The following TRPM7 variants were observed in gnomAD, a reference collection of about 807,000 sequenced individuals.
The protein encoded by TRPM7 is LTRPC ion channel family member 7.
In TRPM7, 134 loss-of-function variants were observed where a neutral mutation model predicts 229.7. That is an observed-to-expected ratio of 0.58 (90% CI 0.51 to 0.67). The LOEUF (loss-of-function observed/expected upper bound fraction) is 0.67. Among genes scored for constraint, TRPM7 ranks in the 30% least tolerant of loss-of-function variants. TRPM7 has a pLI of 0.00. For missense variants in TRPM7, 1,901 were observed against 2,210.0 expected (o/e 0.86, Z 2.80); for synonymous variants, 699 against 715.2 (o/e 0.98, Z 0.36).
chr15:50,666,567 G>A (rs1208612072), intron 1 of TRPM7, among the ~76,000 whole-genome samples: 5 of 152,004 alleles, frequency 3.3e-5, no homozygotes, highest in Non-Finnish European at 7.4e-5. Context: ...ACTTTGGGAG[G>A]CTGAGGCGGG....
chr15:50,600,563 T>C (rs1428732172), intron 21 of TRPM7, among the ~76,000 whole-genome samples: 1 of 152,156 alleles, frequency 6.6e-6, no homozygotes, highest in Non-Finnish European at 1.5e-5. Flanking sequence ...AGAGAATACA[T>C]TTACAATAAA....
At chr15:50,577,094 G>C (rs551140356) in intron 31 of TRPM7, among the ~76,000 whole-genome samples, 1 of 151,602 alleles carries the variant, frequency 6.6e-6, no homozygotes, top group Non-Finnish European at 1.5e-5. Context: ...CCTGGTGACA[G>C]AGAGATCCTG....
chr15:50,599,904 G>A (rs116828650), intron 21 of TRPM7, among the ~76,000 whole-genome samples: 2,218 of 152,260 alleles, frequency 0.015, 59 homozygotes, highest in African/African-American at 0.051. Flanking sequence ...TGTAAGTCAT[G>A]TAGTTTGTAA....
At chr15:50,664,290 C>G (rs1486575454) in intron 1 of TRPM7, among the ~76,000 whole-genome samples, 1 of 116,148 alleles carries the variant, frequency 8.6e-6, no homozygotes, top group Non-Finnish European at 1.6e-5. Context: ...AGCCTGGCGA[C>G]AGAGCAAGAC....
chr15:50,644,797 CAAAAAAAAAAAAA>C (rs201997665), intron 4 of TRPM7, among the ~76,000 whole-genome samples: 30 of 64,818 alleles, frequency 4.6e-4, no homozygotes, highest in East Asian at 5.5e-4. Context: ...AACTGCGTCT[CAAAAAAAAAAAAA>C]AAAAAAAAAA....
At chr15:50,642,377 T>C (rs1237180952) in intron 5 of TRPM7, among the ~76,000 whole-genome samples, 6 of 152,214 alleles carry the variant, frequency 3.9e-5, no homozygotes, top group Non-Finnish European at 8.8e-5. Flanking sequence ...ATAGACAATA[T>C]ATAAACTGAT....
intron 11 of TRPM7, among the ~76,000 whole-genome samples, chr15:50,624,986 C>T (rs1596237250): frequency 6.6e-6 from 1 of 152,228 alleles, no homozygotes; most frequent in East Asian, 1.9e-4. Context: ...AACTTATGTC[C>T]TTTGTGCTTA....
rs1567047182 is a variant in TRPM7, at chr15:50,632,930, C to A, written c.1070G>T (p.Gly357Val). Residue 357 changes from glycine (G) to valine (V), a missense_variant, in exon 9 of 39, where the codon GGC becomes GTC. Physicochemically the swap from Gly to Val is moderately radical, Grantham distance 109. Transcript: ENST00000646667. ...AAATAAATGAAGTGCTTCATTCTGGCCAAAGTTAAATGTTTTTTTGATAGT... is the reference window on the plus strand; with the variant it reads ...AAATAAATGAAGTGCTTCATTCTGGACAAAGTTAAATGTTTTTTTGATAGT... ...ISTIKKTFNF[G>V]QNEALHLFQT... 6.2e-7 allele frequency: 1 copy of A among 1,605,260 alleles called. No homozygotes were observed. Among genetic ancestry groups the A allele is most frequent in the Non-Finnish European group, 8.5e-7 (1 of 1,176,708 alleles).
At chr15:50,630,241 CTT>C (rs143600852) in intron 10 of TRPM7, among the ~76,000 whole-genome samples, 27,578 of 150,472 alleles carry the variant, frequency 0.18, 3,204 homozygotes, top group East Asian at 0.46. Flanking sequence ...CTTGTGATCT[CTT>C]GATACCATGA....
intron 3 of TRPM7, among the ~76,000 whole-genome samples, chr15:50,656,227 T>C (rs539656757): frequency 6.6e-6 from 1 of 152,192 alleles, no homozygotes; most frequent in Admixed American, 6.5e-5. Context: ...AACCTCACCA[T>C]CTATAAGAAG....
At position 50,628,271 on chromosome 15, in the gene TRPM7, T is replaced by G. The variant is rs550023777; in HGVS notation, c.1205-22A>C. 39 of 1,524,806 alleles carry G rather than the reference T, an allele frequency of 2.6e-5. No homozygotes were observed. In the African/African-American group the frequency reaches 5.2e-4, roughly 20 times the overall value. 94.5% of individuals were successfully genotyped at this position (1,524,806 alleles called of 1,614,324 possible). Reference sequence around the variant, plus strand: ...GTACCTAATCGAATAAAGAAAATAGTTGACAGGTTCAATTAATTTATCTCC... The same window carrying G: ...GTACCTAATCGAATAAAGAAAATAGGTGACAGGTTCAATTAATTTATCTCC... On this transcript the variant is annotated intron_variant, in intron 10 of 38. Coordinates refer to ENST00000646667, the MANE Select transcript of TRPM7 (RefSeq NM_017672.6).
intron 21 of TRPM7, chr15:50,599,784 G>A (rs1412861507): frequency 3.3e-5 from 5 of 152,228 alleles, no homozygotes; most frequent in Admixed American, 2.6e-4. Context: ...ATCCATGGGT[G>A]CCTTGTCCTG....
chr15:50,609,811 G>A lies in TRPM7; in HGVS notation c.2431C>T (p.Pro811Ser), dbSNP rs147383070. 8.1e-6 allele frequency: 13 copies of A among 1,608,002 alleles called. No individual in the cohort carries two copies. Among genetic ancestry groups the A allele is most frequent in the South Asian group, 1.1e-5 (1 of 88,726 alleles). Residue 811 changes from proline (P) to serine (S), a missense_variant, in exon 18 of 39, where the codon CCC becomes TCC. Coordinates refer to ENST00000646667, the MANE Select transcript of TRPM7 (RefSeq NM_017672.6). ...NNFQNITEEI[P>S]MEVFKEVRIL... is the part of the protein sequence containing the mutation. Reference sequence around the variant, plus strand: ...TAAAATGTTTTCCTGCTTACCATGGGGATCTCTTCTGTTATGTTCTGAAAG... The same window carrying A: ...TAAAATGTTTTCCTGCTTACCATGGAGATCTCTTCTGTTATGTTCTGAAAG...
At chr15:50,683,810 T>G (rs558414098) in intron 1 of TRPM7, among the ~76,000 whole-genome samples, 2 of 152,122 alleles carry the variant, frequency 1.3e-5, no homozygotes, top group South Asian at 4.1e-4. Context: ...CTTAATGTAA[T>G]GCAACAGAAA....
chr15:50,570,677 T>TAAAAA (rs149970874), intron 36 of TRPM7, among the ~76,000 whole-genome samples: 1 of 91,748 alleles, frequency 1.1e-5, no homozygotes, highest in Non-Finnish European at 2.1e-5. Flanking sequence ...ACTTCATTCC[T>TAAAAA]AAAAAAAAAA....
At chr15:50,654,207 A>T (rs1452740776) in intron 3 of TRPM7, among the ~76,000 whole-genome samples, 5 of 152,048 alleles carry the variant, frequency 3.3e-5, no homozygotes, top group Non-Finnish European at 7.4e-5. Flanking sequence ...GCACTTTGGG[A>T]GGCCAAGGCG....
chr15:50,593,179 C>T (rs1331451362), intron 25 of TRPM7, among the ~76,000 whole-genome samples: 2 of 152,058 alleles, frequency 1.3e-5, no homozygotes, highest in Admixed American at 1.3e-4. Context: ...ATCCTAGCTA[C>T]TCAGGAAACT....
At chr15:50,683,361 G>T (rs1003974729) in intron 1 of TRPM7, among the ~76,000 whole-genome samples, 1 of 151,722 alleles carries the variant, frequency 6.6e-6, no homozygotes, top group African/African-American at 2.4e-5. Context: ...ACTACTACAT[G>T]AATAACATAT....
chr15:50,601,744 A>G (rs532681209), intron 21 of TRPM7, among the ~76,000 whole-genome samples: 1 of 152,204 alleles, frequency 6.6e-6, no homozygotes, highest in Non-Finnish European at 1.5e-5. Context: ...AATTTTCATT[A>G]GTCTGCTATT....
Sources: gnomAD v4.1 joint callset for allele counts (sites outside exome capture counted in the v4.1 genomes callset) on GRCh38, gnomAD v4.1.1 for gene constraint, MANE v1.5 for transcripts, NCBI Gene and HGNC (gene_info 2026-07-23, HGNC 2026-07-21) for gene names.